The following EPX variants were observed in gnomAD, a reference collection of about 807,000 sequenced individuals.
EPX encodes the protein eosinophil peroxidase.
EPX carries 60 observed loss-of-function variants against 73.0 expected under a neutral mutation model. That is an observed-to-expected ratio of 0.82 (90% confidence interval 0.67 to 1.02). EPX has a LOEUF of 1.02. Ranked by LOEUF, EPX falls within the 50% of genes least tolerant of loss-of-function variation. EPX has a pLI of 0.00. For missense variants in EPX, 950 were observed against 973.9 expected (o/e 0.98, Z 0.33); for synonymous variants, 347 against 389.2 (o/e 0.89, Z 1.28).
Position 58,194,022 on chromosome 17 carries a change from ATGAGGATGGGC to A in EPX, c.527_537del (p.Glu176ValfsTer33). 1 of 1,613,306 alleles carries A rather than the reference ATGAGGATGGGC, an allele frequency of 6.2e-7. No homozygotes were observed. The highest frequency in any genetic ancestry group is 8.5e-7 in the Non-Finnish European group (1 of 1,179,940). On this transcript the variant is annotated frameshift_variant, in exon 5 of 13. Transcript: ENST00000225371. LOFTEE classifies it high-confidence loss of function. Reference sequence around the variant, plus strand: ...CTGGCTCGCTGGCTGCCCGCCGAGTATGAGGATGGGCTGTCGCTCCCCTTCGGCTGGACCCC... The same window carrying A: ...CTGGCTCGCTGGCTGCCCGCCGAGTATGTCGCTCCCCTTCGGCTGGACCCC...
In EPX at chr17:58,199,722, C is replaced by T. The variant is rs762827290; in HGVS notation, c.1465C>T (p.Arg489Trp). The T allele has an allele frequency of 1.3e-5, 21 of 1,614,218 alleles. No homozygotes were observed. Among genetic ancestry groups the T allele is most frequent in the East Asian group, 6.7e-5 (3 of 44,882 alleles). ...CATGTTCCGCTTGGACAGTCAGTAC[C>T]GGGCCTCCGCACCCAACTCGCATGT... ...PFMFRLDSQY[R>W]ASAPNSHVPL... Residue 489 changes from arginine to tryptophan, a missense_variant, in exon 9 of 13, where the codon CGG becomes TGG. Physicochemically the swap from Arg to Trp is moderately radical, Grantham distance 101 (BLOSUM62 -3). Coordinates refer to ENST00000225371, the MANE Select transcript of EPX (RefSeq NM_000502.6).
chr17:58,197,934 C>T (rs1968285660), intron 7 of EPX, among the ~76,000 whole-genome samples: 1 of 152,146 alleles, frequency 6.6e-6, no homozygotes, highest in East Asian at 1.9e-4. Context: ...CTCCTGGGTT[C>T]AAGTGATTCC....
At chr17:58,199,410 A>G (rs1968306874) in intron 8 of EPX, 129 bp from the exon 9 acceptor site, 1 of 1,210,522 alleles carries the variant, frequency 8.3e-7, no homozygotes, top group African/African-American at 1.5e-5. Flanking sequence ...ATCTCCACCC[A>G]CCAATAGTAA....
chr17:58,192,745 G>A lies in EPX; in HGVS notation c.-102G>A, dbSNP rs895182160. On this transcript the variant is annotated 5_prime_UTR_variant, in exon 1 of 13. Transcript: ENST00000225371. Reference sequence around the variant, plus strand: ...TCCAGAGAAGAGCTGGAGGAAGTGAGAGGTCGGCTGGGGGTCCTCAAAGTG... The same window carrying A: ...TCCAGAGAAGAGCTGGAGGAAGTGAAAGGTCGGCTGGGGGTCCTCAAAGTG... The A allele has an allele frequency of 1.2e-5, 12 of 966,076 alleles. No homozygotes were observed. The highest frequency in any genetic ancestry group is 2.0e-5 in the Admixed American group (1 of 50,574). 59.8% of individuals were successfully genotyped at this position (966,076 alleles called of 1,614,324 possible). A position where few individuals can be genotyped will look rare whatever the true frequency, so the allele number is the denominator to read the frequency against.
chr17:58,204,459 C>T (rs1968400916), intron 12 of EPX, 25 bp downstream of exon 12: 1 of 1,476,952 alleles, frequency 6.8e-7, no homozygotes, highest in African/African-American at 1.4e-5. Flanking sequence ...CCTCCAGCAC[C>T]CTGGGCTGGG....
In EPX at chr17:58,200,214, C is replaced by T. The variant is rs756757993; in HGVS notation, c.1538-11C>T. 2.7e-5 allele frequency: 43 copies of T among 1,613,826 alleles called. No homozygotes were observed. In the South Asian group the frequency reaches 4.4e-4, roughly 16 times the overall value. On this transcript the variant is annotated splice_polypyrimidine_tract_variant and intron_variant, in intron 9 of 12. Transcript: ENST00000225371. ...GGTCCAATCTGTGCTGCTCACATTC[C>T]CTGCCACCAGGGGGCATCGACCCCA...
intron 10 of EPX, 102 bp downstream of exon 10, chr17:58,200,497 C>T: frequency 4.9e-6 from 6 of 1,223,324 alleles, no homozygotes; most frequent in Admixed American, 1.9e-5. Context: ...GGACTGTCTA[C>T]AGGATGTGCA....
At position 58,200,262 on chromosome 17, in the gene EPX, C is replaced by A. The variant is rs1246633703; in HGVS notation, c.1575C>A (p.Thr525=). 6.2e-7 allele frequency: 1 copy of A among 1,614,178 alleles called. No homozygotes were observed. The highest frequency in any genetic ancestry group is 1.1e-5 in the South Asian group (1 of 91,086). ...CCATCCTCCGGGGCCTCATGGCCAC[C>A]CCTGCCAAGCTGAACCGTCAGGATG... is the stretch of plus-strand genomic sequence containing the variant. The part of the protein sequence containing the change: ...IDPILRGLMA[T]PAKLNRQDAM... The change falls in exon 10 of 13, where the codon ACC becomes ACA. Residue 525 remains threonine, a synonymous_variant. Coordinates refer to ENST00000225371, the MANE Select transcript of EPX (RefSeq NM_000502.6).
chr17:58,198,965 A>G, intron 7 of EPX, 75 bp from the exon 8 acceptor site: 1 of 1,528,522 alleles, frequency 6.5e-7, no homozygotes, highest in African/African-American at 1.4e-5. Context: ...TCCCATCCCC[A>G]GCCCTGGGTC....
intron 9 of EPX, 57 bp from the exon 10 acceptor site, chr17:58,200,168 C>A: frequency 1.9e-6 from 3 of 1,561,140 alleles, no homozygotes; most frequent in South Asian, 2.2e-5. Flanking sequence ...ATGTGATAAC[C>A]CAAGTAGCTT....
chr17:58,194,677 T>A (rs1392713466), intron 5 of EPX, among the ~76,000 whole-genome samples: 2 of 152,220 alleles, frequency 1.3e-5, no homozygotes, highest in Non-Finnish European at 2.9e-5. Flanking sequence ...TCTATCTATT[T>A]GATCTCCCTT....
chr17:58,203,890 CCACTGCA>C (rs1567791309), intron 11 of EPX, among the ~76,000 whole-genome samples: 2 of 127,688 alleles, frequency 1.6e-5, no homozygotes, highest in African/African-American at 6.0e-5. Context: ...CGAGATCCTG[CCACTGCA>C]CTCCAGCCTG....
At position 58,196,953 on chromosome 17, in the gene EPX, C is replaced by T. The variant is rs1194693242; in HGVS notation, c.816C>T (p.Asp272=). The part of the protein sequence containing the change: ...PCFPIKIPPN[D]PRIKNQRDCI... ...TTCCATCTCAGATCCCACCCAATGA[C>T]CCCCGCATCAAGAACCAGCGTGACT... Residue 272 remains aspartate (D), a synonymous_variant, in exon 7 of 13, where the codon GAC becomes GAT. Coordinates refer to ENST00000225371, the MANE Select transcript of EPX (RefSeq NM_000502.6). 6.2e-7 allele frequency: 1 copy of T among 1,613,646 alleles called. No individual in the cohort carries two copies. The highest frequency in any genetic ancestry group is 1.1e-5 in the South Asian group (1 of 91,074).
At chr17:58,200,190 G>T in intron 9 of EPX, 35 bp from the exon 10 acceptor site, 2 of 1,610,976 alleles carry the variant, frequency 1.2e-6, no homozygotes, top group Non-Finnish European at 1.7e-6. Flanking sequence ...CCAGAGGCTG[G>T]TCCAATCTGT....
chr17:58,195,960 CTCTT>C (rs201086190), intron 6 of EPX, among the ~76,000 whole-genome samples: 5,376 of 151,468 alleles, frequency 0.035, 115 homozygotes, highest in Middle Eastern at 0.055. Flanking sequence ...TTCTTCCTTC[CTCTT>C]TCTTTCTTTC....
At chr17:58,197,637 T>A (rs1382836938) in intron 7 of EPX, among the ~76,000 whole-genome samples, 1 of 152,160 alleles carries the variant, frequency 6.6e-6, no homozygotes, top group Non-Finnish European at 1.5e-5. Context: ...CAGGAATACC[T>A]CAAAGTAGCT....
rs138760034 is a variant in EPX at position 58,193,515 on chromosome 17, A to G, written c.315A>G (p.Gln105=). 8.1e-6 allele frequency: 13 copies of G among 1,613,932 alleles called. No homozygotes were observed. The highest frequency in any genetic ancestry group is 1.1e-5 in the Non-Finnish European group (13 of 1,179,988). ...TGGGGCTGCTTGAAGAGAAGTTACA[A>G]CCCCAGCGGTCCGGACCCTTCAATG... is the stretch of plus-strand genomic sequence containing the variant. ...VALGLLEEKL[Q]PQRSGPFNVT... is the part of the protein sequence containing the mutation. The change falls in exon 3 of 13, where the codon CAA becomes CAG. Residue 105 remains glutamine (Q), a synonymous_variant. Coordinates refer to ENST00000225371, the MANE Select transcript of EPX (RefSeq NM_000502.6).
rs1567789639 is a variant in EPX at position 58,199,170 on chromosome 17, G to A, written c.1251G>A (p.Glu417=). Residue 417 remains glutamate, a synonymous_variant, in exon 8 of 13, where the codon GAG becomes GAA. Coordinates refer to ENST00000225371, the MANE Select transcript of EPX (RefSeq NM_000502.6). ...PRWNGDKLYN[E]ARKIMGAMVQ... The stretch of plus-strand genomic sequence containing the variant: ...GGAATGGAGACAAACTGTACAATGA[G>A]GCTCGGAAGATCATGGGGGCCATGG... The A allele has an allele frequency of 6.2e-7, 1 of 1,614,120 alleles. No homozygotes were observed. The highest frequency in any genetic ancestry group is 2.2e-5 in the East Asian group (1 of 44,882).
Position 58,197,119 on chromosome 17 carries a change from C to T in EPX, c.982C>T (p.Arg328Trp), listed in dbSNP as rs143329228. 2.5e-4 allele frequency: 397 copies of T among 1,614,212 alleles called. 7 individuals are homozygous for T. Among genetic ancestry groups the T allele is most frequent in the South Asian group, 2.1e-3 (188 of 91,084 alleles). ...EVSLSLRLRN[R>W]TNYLGLLAIN... ...CTCCCTCTCGCTGCGGCTCCGCAAC[C>T]GGACCAACTACCTGGGGCTGCTGGC... Residue 328 changes from arginine to tryptophan, a missense_variant, in exon 7 of 13, where the codon CGG becomes TGG. By Grantham distance (101) the Arg-to-Trp change is moderately radical. Transcript: ENST00000225371.
Sources: gnomAD v4.1 joint callset for allele counts (sites outside exome capture counted in the v4.1 genomes callset) on GRCh38, gnomAD v4.1.1 for gene constraint, MANE v1.5 for transcripts, NCBI Gene and HGNC (gene_info 2026-07-23, HGNC 2026-07-21) for gene names.